The following DYRK4 variants were observed in gnomAD, a reference collection of about 807,000 sequenced individuals.
DYRK4 encodes dual specificity tyrosine-phosphorylation-regulated kinase 4.
In DYRK4, 64 loss-of-function variants were observed where a neutral mutation model predicts 68.3. The observed-to-expected ratio is 0.94, with a 90% CI of 0.77 to 1.15. DYRK4 has a LOEUF of 1.15. Among genes scored for constraint, DYRK4 ranks in the 50% most tolerant of loss-of-function variants. The probability of loss-of-function intolerance (pLI) is 0.00; values close to 1 mark genes in which losing one functional copy is unlikely to be tolerated. For missense variants in DYRK4, 740 were observed against 764.7 expected, an observed-to-expected ratio of 0.97 and a Z score of 0.38; for synonymous variants, 274 against 289.9, an observed-to-expected ratio of 0.95 and a Z score of 0.56.
chr12:4,591,670 C>CT lies in DYRK4; in HGVS notation c.463+373dup, dbSNP rs1456362739. 9.9e-6 allele frequency: 2 copies of CT among 201,618 alleles called. No homozygotes were observed. Among genetic ancestry groups the CT allele is most frequent in the African/African-American group, 4.6e-5 (2 of 43,536 alleles). The allele number at this position is 201,618 out of a possible 1,614,324, so 12.5% of individuals were successfully genotyped here. On this transcript the variant is annotated intron_variant, in intron 5 of 14. Transcript: ENST00000543431. The surrounding 1 kb of genome is among the most constrained non-coding windows in gnomAD (Gnocchi z 4.1). Reference sequence around the variant, plus strand: ...GCCAGGAGTGGAAAGGTACTGAATACTGAGAGCAGAGCAAAGGGTGCTGAA... The same window carrying CT: ...GCCAGGAGTGGAAAGGTACTGAATACTTGAGAGCAGAGCAAAGGGTGCTGAA...
Position 4,562,233 on chromosome 12 carries a change from C to G in DYRK4, c.-13C>G. 6.6e-7 allele frequency: 1 copy of G among 1,525,196 alleles called. No homozygotes were observed. The highest frequency in any genetic ancestry group is 8.8e-7 in the Non-Finnish European group (1 of 1,141,692). 94.5% of individuals were successfully genotyped at this position (1,525,196 alleles called of 1,614,324 possible). On this transcript the variant is annotated 5_prime_UTR_variant, in exon 1 of 15. Transcript: ENST00000543431. ...ACAGCCTCCCGCAGCGGCGGGCGGT[C>G]AGCGCCGGCCTCATGCAGCTCCTCC...
intron 8 of DYRK4, among the ~76,000 whole-genome samples, chr12:4,597,760 C>T (rs991555473): frequency 3.3e-5 from 5 of 152,156 alleles, no homozygotes; most frequent in Non-Finnish European, 7.4e-5. Context: ...TGAATGGTGG[C>T]CGGGCATGGT....
At chr12:4,581,505 G>A (rs1944841378) in intron 2 of DYRK4, among the ~76,000 whole-genome samples, 1 of 152,216 alleles carries the variant, frequency 6.6e-6, no homozygotes, top group Non-Finnish European at 1.5e-5. Context: ...AGATTCTCTT[G>A]TGTGAATTCG....
intron 1 of DYRK4, among the ~76,000 whole-genome samples, chr12:4,562,502 C>G (rs1184808352): frequency 1.3e-5 from 2 of 152,236 alleles, no homozygotes; most frequent in African/African-American, 4.8e-5. Context: ...AATCCGACGT[C>G]AGTATACTTC....
At chr12:4,601,631 GCA>G (rs1159254226) in intron 10 of DYRK4, among the ~76,000 whole-genome samples, 6 of 152,164 alleles carry the variant, frequency 3.9e-5, no homozygotes, top group Admixed American at 3.9e-4. Context: ...AAAAGGATTT[GCA>G]CCACACTGTT....
At chr12:4,606,063 G>A (rs1001860848) in intron 11 of DYRK4, among the ~76,000 whole-genome samples, 1 of 152,112 alleles carries the variant, frequency 6.6e-6, no homozygotes, top group African/African-American at 2.4e-5. Context: ...ATTCATTATG[G>A]GAAATGACAG....
intron 6 of DYRK4, among the ~76,000 whole-genome samples, chr12:4,594,130 G>T (rs1944989714): frequency 6.6e-6 from 1 of 152,138 alleles, no homozygotes; most frequent in African/African-American, 2.4e-5. Flanking sequence ...ATCCCTTTGG[G>T]AGCCTGATAA....
Position 4,580,239 on chromosome 12 carries a change from C to A in DYRK4, c.133-8698C>A, listed in dbSNP as rs575912297. Among the ~76,000 whole-genome samples the A allele has an allele frequency of 1.1e-4, 16 of 152,262 alleles. No homozygotes were observed. The East Asian group carries it at 2.9e-3, about 28-fold the overall frequency. ...CTCCTCTTTCCACCTCTACTAGGGA[C>A]AGAGCTGGTGGGTAGGACCCCAGGG... On this transcript the variant is annotated intron_variant, in intron 2 of 14. Coordinates refer to ENST00000543431, the MANE Select transcript of DYRK4 (RefSeq NM_001394779.1).
chr12:4,610,189 CA>C lies in DYRK4; in HGVS notation c.1396del (p.Arg466GlyfsTer16), dbSNP rs1022469096. ...KGFPKNITNN[R>X]GKKRYPDSKD... is the part of the protein sequence containing the mutation. ...GTTTTCCTAAAAATATAACCAACAA[CA>C]GGGGGAAAAAAAGATACCCAGATTC... On this transcript the variant is annotated frameshift_variant, in exon 13 of 15. Transcript: ENST00000543431. LOFTEE classifies it high-confidence loss of function. The C allele has an allele frequency of 7.5e-6, 12 of 1,602,070 alleles. No homozygotes were observed. Among genetic ancestry groups the C allele is most frequent in the Admixed American group, 1.7e-5 (1 of 57,518 alleles).
chr12:4,575,990 G>C (rs1944785338), intron 2 of DYRK4, among the ~76,000 whole-genome samples: 1 of 152,214 alleles, frequency 6.6e-6, no homozygotes, highest in African/African-American at 2.4e-5. Flanking sequence ...TTCATGTATA[G>C]TTGGCACAAT....
intron 2 of DYRK4, among the ~76,000 whole-genome samples, chr12:4,574,180 G>A (rs992002543): frequency 5.4e-5 from 8 of 148,478 alleles, no homozygotes; most frequent in African/African-American, 2.0e-4. Flanking sequence ...CGCCGAGATC[G>A]CGCCACTGCA....
chr12:4,606,440 C>A (rs1344353807), intron 11 of DYRK4, among the ~76,000 whole-genome samples: 1 of 152,008 alleles, frequency 6.6e-6, no homozygotes, highest in African/African-American at 2.4e-5. Context: ...ATTTCATGAT[C>A]GAAACTAATA....
At chr12:4,592,257 CT>C (rs1387990857) in intron 5 of DYRK4, among the ~76,000 whole-genome samples, 1 of 152,214 alleles carries the variant, frequency 6.6e-6, no homozygotes, top group Non-Finnish European at 1.5e-5. Context: ...TCAGCTTATA[CT>C]TGACTGCCCT....
At chr12:4,602,744 T>G in intron 10 of DYRK4, 1 of 1,519,654 alleles carries the variant, frequency 6.6e-7, no homozygotes, top group African/African-American at 1.4e-5. Context: ...ATTCAGAAGT[T>G]CAAATTTTCC....
At chr12:4,604,775 G>T in intron 10 of DYRK4, 139 bp from the exon 11 acceptor site, 1 of 966,860 alleles carries the variant, frequency 1.0e-6, no homozygotes. Context: ...GGTGTAATGG[G>T]AGTTCTAAGT....
rs146347854 is a variant in DYRK4 at position 4,600,352 on chromosome 12, A to T, written c.1126+564A>T. On this transcript the variant is annotated intron_variant, in intron 10 of 14. Transcript: ENST00000543431. ...AGACATTTGTGATCTGTTTTGTGTCAGTCACTGTCCTGGGTACCAGGAACA... is the reference window on the plus strand; with the variant it reads ...AGACATTTGTGATCTGTTTTGTGTCTGTCACTGTCCTGGGTACCAGGAACA... 1.6e-4 allele frequency among the ~76,000 whole-genome samples: 25 copies of T among 152,188 alleles called. No individual in the cohort carries two copies. The East Asian group carries it at 4.6e-3, about 28-fold the overall frequency.
chr12:4,597,964 G>A (rs542920590), intron 8 of DYRK4, among the ~76,000 whole-genome samples: 3 of 152,274 alleles, frequency 2.0e-5, no homozygotes, highest in South Asian at 4.1e-4. Flanking sequence ...TACTTGAGAG[G>A]CTGAGGCAGG....
intron 8 of DYRK4, among the ~76,000 whole-genome samples, chr12:4,598,405 T>C (rs1309885517): frequency 6.6e-6 from 1 of 152,256 alleles, no homozygotes; most frequent in Non-Finnish European, 1.5e-5. Flanking sequence ...TCTTTGTCAA[T>C]GCATTGTATT....
chr12:4,583,022 A>G (rs746959303), intron 2 of DYRK4, among the ~76,000 whole-genome samples: 10 of 152,210 alleles, frequency 6.6e-5, no homozygotes, highest in Non-Finnish European at 1.3e-4. Flanking sequence ...AGACCATTGC[A>G]ATAGGTGCCT....
Sources: gnomAD v4.1 joint callset for allele counts (sites outside exome capture counted in the v4.1 genomes callset) on GRCh38, gnomAD v4.1.1 for gene constraint, Gnocchi (gnomAD v3.1) non-coding constraint, MANE v1.5 for transcripts, NCBI Gene and HGNC (gene_info 2026-07-23, HGNC 2026-07-21) for gene names.